The following MOXD1 variants were observed in gnomAD, a reference collection of about 807,000 sequenced individuals.
MOXD1 encodes the protein DBH-like monooxygenase protein 1.
A neutral mutation model predicts 66.6 loss-of-function variants in MOXD1; 62 were observed. The ratio of observed to expected loss-of-function variants is 0.93; its 90% confidence interval spans 0.76 to 1.15. The LOEUF (loss-of-function observed/expected upper bound fraction) is 1.15. Among genes scored for constraint, MOXD1 ranks in the 50% most tolerant of loss-of-function variants. MOXD1 has a pLI of 0.00. For missense variants in MOXD1, 847 were observed against 754.6 expected (o/e 1.12, Z -1.44); for synonymous variants, 303 against 281.9 (o/e 1.07, Z -0.75).
chr6:132,374,583 G>A (rs1046580534), intron 2 of MOXD1, 48 bp downstream of exon 2: 3 of 1,566,782 alleles, frequency 1.9e-6, no homozygotes, highest in Non-Finnish European at 1.7e-6. Flanking sequence ...CTTCACAAGT[G>A]TAAATATACA....
At chr6:132,327,002 G>T (rs1484575124) in intron 6 of MOXD1, among the ~76,000 whole-genome samples, 1 of 151,954 alleles carries the variant, frequency 6.6e-6, no homozygotes, top group Non-Finnish European at 1.5e-5. Context: ...TTGTCTTCAG[G>T]GTAAAAATCC....
chr6:132,312,658 T>C lies in MOXD1; in HGVS notation c.1508+2977A>G, dbSNP rs147117545. On this transcript the variant is annotated intron_variant, in intron 10 of 11. Transcript: ENST00000367963. ...GAGAATGACATCTCAAAACTAGCCT[T>C]GTTCTGTAAAGCAATTCTCCCTGTC... 7.3e-3 allele frequency among the ~76,000 whole-genome samples: 1,116 copies of C among 152,022 alleles called. 11 individuals carry two copies. The highest frequency in any genetic ancestry group is 0.025 in the African/African-American group (1,053 of 41,444).
intron 4 of MOXD1, 103 bp downstream of exon 4, chr6:132,372,505 T>A (rs1776283855): frequency 8.9e-7 from 1 of 1,124,250 alleles, no homozygotes; most frequent in Non-Finnish European, 1.3e-6. Context: ...AACTTTCAAA[T>A]AATTGAAAAA....
intron 10 of MOXD1, among the ~76,000 whole-genome samples, chr6:132,314,311 C>T (rs1200978139): frequency 3.9e-5 from 6 of 152,222 alleles, no homozygotes; most frequent in African/African-American, 1.4e-4. Flanking sequence ...GGTGTCACCA[C>T]CTTGGCACAA....
chr6:132,308,052 C>T, intron 10 of MOXD1, among the ~76,000 whole-genome samples: 1 of 149,408 alleles, frequency 6.7e-6, no homozygotes, highest in African/African-American at 2.5e-5. Context: ...ACAGGAAAAA[C>T]TCTCAAAAAA....
At chr6:132,398,442 G>A (rs1195140963) in intron 1 of MOXD1, among the ~76,000 whole-genome samples, 1 of 152,150 alleles carries the variant, frequency 6.6e-6, no homozygotes, top group Non-Finnish European at 1.5e-5. Flanking sequence ...AAAGCCACAT[G>A]ATGAGGTGAC....
chr6:132,340,908 C>A (rs1020021379), intron 4 of MOXD1, among the ~76,000 whole-genome samples: 8 of 151,840 alleles, frequency 5.3e-5, no homozygotes, highest in Non-Finnish European at 1.2e-4. Flanking sequence ...GGCCTCCCAA[C>A]GTGCTGGGAT....
chr6:132,369,559 A>T (rs1776222974), intron 4 of MOXD1, among the ~76,000 whole-genome samples: 1 of 151,954 alleles, frequency 6.6e-6, no homozygotes, highest in Non-Finnish European at 1.5e-5. Context: ...CTGAATTGCT[A>T]GCTAGCATCA....
At chr6:132,359,631 C>T (rs1201032668) in intron 4 of MOXD1, among the ~76,000 whole-genome samples, 1 of 151,826 alleles carries the variant, frequency 6.6e-6, no homozygotes, top group Non-Finnish European at 1.5e-5. Context: ...GGACTACAGG[C>T]GCCCGCCACG....
At chr6:132,392,353 C>T in intron 1 of MOXD1, 1 of 1,541,358 alleles carries the variant, frequency 6.5e-7, no homozygotes, top group Non-Finnish European at 8.7e-7. Flanking sequence ...GATTTATACC[C>T]CCATAAGAAG....
intron 1 of MOXD1, among the ~76,000 whole-genome samples, chr6:132,399,220 C>T (rs1407609928): frequency 1.3e-5 from 2 of 151,918 alleles, no homozygotes; most frequent in African/African-American, 2.4e-5. Context: ...TTTATATGTC[C>T]TAAAATGAGT....
Position 132,327,522 on chromosome 6 carries a change from A to G in MOXD1, c.946+491T>C, listed in dbSNP as rs112884271. On this transcript the variant is annotated intron_variant, in intron 6 of 11. Transcript: ENST00000367963. ...AAATGATTTCAGAAACAAAATGTACATCCTTACATTTCTTTACTTCAATAT... is the reference window on the plus strand; with the variant it reads ...AAATGATTTCAGAAACAAAATGTACGTCCTTACATTTCTTTACTTCAATAT... Among the ~76,000 whole-genome samples, 337 of 152,344 alleles carry G rather than the reference A, an allele frequency of 2.2e-3. 3 individuals are homozygous for G. The highest frequency in any genetic ancestry group is 3.9e-3 in the Non-Finnish European group (268 of 68,026).
chr6:132,303,754 C>CAT lies in MOXD1; in HGVS notation c.1509-5801_1509-5800dup, dbSNP rs111391678. On this transcript the variant is annotated intron_variant, in intron 10 of 11. Coordinates refer to ENST00000367963, the MANE Select transcript of MOXD1 (RefSeq NM_015529.4). ...ACACACATTTATTTATACACATGTA[C>CAT]ATATATATATATATACATACATATA... 5.6e-4 allele frequency among the ~76,000 whole-genome samples: 69 copies of CAT among 122,148 alleles called. 1 individual carries two copies. Among genetic ancestry groups the CAT allele is most frequent in the Middle Eastern group, 4.3e-3 (1 of 232 alleles). The allele number at this position is 122,148 out of a possible 152,430, so 80.1% of individuals were successfully genotyped here.
intron 1 of MOXD1, among the ~76,000 whole-genome samples, chr6:132,384,255 TTC>T (rs1370563970): frequency 2.2e-5 from 2 of 92,702 alleles, no homozygotes; most frequent in East Asian, 1.4e-3. Flanking sequence ...CCTTCCTTCC[TTC>T]CTTCCTTCCT....
intron 1 of MOXD1, among the ~76,000 whole-genome samples, chr6:132,393,956 A>G (rs1776821306): frequency 6.6e-6 from 1 of 152,206 alleles, no homozygotes; most frequent in Admixed American, 6.5e-5. Flanking sequence ...GGGTTCCAGA[A>G]AGTTGTCCCA....
intron 6 of MOXD1, chr6:132,325,170 T>C (rs902940629): frequency 2.0e-5 from 3 of 152,188 alleles, no homozygotes; most frequent in Admixed American, 6.5e-5. Flanking sequence ...ATATTTGCTA[T>C]GTGTTTGTTG....
chr6:132,361,430 T>C (rs1303982242), intron 4 of MOXD1, among the ~76,000 whole-genome samples: 2 of 152,130 alleles, frequency 1.3e-5, no homozygotes, highest in East Asian at 3.8e-4. Flanking sequence ...TCGATAGACA[T>C]TCAATATGTG....
In MOXD1 at chr6:132,328,612, A is replaced by C. The variant is rs768831080; in HGVS notation, c.664-18T>G. 5.6e-6 allele frequency: 9 copies of C among 1,610,678 alleles called. No homozygotes were observed. Among genetic ancestry groups the C allele is most frequent in the Non-Finnish European group, 7.6e-6 (9 of 1,177,556 alleles). ...GGCTCAACCTACACGAACATAAATGAGAGGGAGGACACAATAAATAAGACC... is the reference window on the plus strand; with the variant it reads ...GGCTCAACCTACACGAACATAAATGCGAGGGAGGACACAATAAATAAGACC... On this transcript the variant is annotated intron_variant, in intron 4 of 11. Coordinates refer to ENST00000367963, the MANE Select transcript of MOXD1 (RefSeq NM_015529.4).
intron 9 of MOXD1, among the ~76,000 whole-genome samples, chr6:132,317,847 T>C (rs1774992239): frequency 6.6e-6 from 1 of 152,130 alleles, no homozygotes. Flanking sequence ...TATTTTATCT[T>C]TCTGTTGTTT....
Sources: allele counts gnomAD v4.1 joint callset (sites outside exome capture counted in the v4.1 genomes callset), GRCh38; gene constraint gnomAD v4.1.1; transcripts MANE v1.5; gene names NCBI Gene and HGNC (gene_info 2026-07-23, HGNC 2026-07-21).